PRKAG2: variants seen among roughly 807,000 people sequenced by gnomAD.
The protein encoded by PRKAG2 is 5'-AMP-activated protein kinase subunit gamma-2.
Under a neutral mutation model 69.6 loss-of-function variants are expected in PRKAG2, and 26 were observed. That is an observed-to-expected ratio of 0.37 (90% CI 0.27 to 0.52). The LOEUF (loss-of-function observed/expected upper bound fraction) is 0.52, where lower values mean the gene tolerates loss of function less well. Among genes scored for constraint, PRKAG2 ranks in the 20% least tolerant of loss-of-function variants. The pLI, the probability that PRKAG2 is intolerant of heterozygous loss-of-function variation, is 0.90. For missense variants in PRKAG2, 557 were observed against 740.0 expected (o/e 0.75, Z 2.87); for synonymous variants, 293 against 285.0 (o/e 1.03, Z -0.28).
Position 151,763,560 on chromosome 7 carries a change from C to T in PRKAG2, c.466+17592G>A, listed in dbSNP as rs563147699. The stretch of plus-strand genomic sequence containing the variant: ...CTGGCTCCTCAGCCACTGCCCCACA[C>T]GCTTTCCTTCCCTTCCTGGCTACTG... On this transcript the variant is annotated intron_variant, in intron 3 of 15. Coordinates refer to ENST00000287878, the MANE Select transcript of PRKAG2 (RefSeq NM_016203.4). Among the ~76,000 whole-genome samples, 42 of 152,382 alleles carry T rather than the reference C, an allele frequency of 2.8e-4. 1 individual carries two copies. Among genetic ancestry groups the T allele is most frequent in the Admixed American group, 2.2e-3 (33 of 15,314 alleles).
intron 1 of PRKAG2, among the ~76,000 whole-genome samples, chr7:151,844,576 C>T (rs559028805): frequency 2.0e-4 from 30 of 152,244 alleles, no homozygotes; most frequent in East Asian, 3.9e-4. Context: ...GAAAGAGATA[C>T]GAAACGTAGA....
rs182116646 is a variant in PRKAG2, at chr7:151,860,020, C to T, written c.114+16487G>A. On this transcript the variant is annotated intron_variant, in intron 1 of 15. Coordinates refer to ENST00000287878, the MANE Select transcript of PRKAG2 (RefSeq NM_016203.4). ...CCTGCAGGTGGGACTGTGGGCTGGG[C>T]TGACGGAGGTGGCCGGGCACCTGGA... Among the ~76,000 whole-genome samples the T allele has an allele frequency of 3.4e-3, 525 of 152,290 alleles. 8 individuals carry two copies. The highest frequency in any genetic ancestry group is 0.012 in the African/African-American group (503 of 41,562).
At chr7:151,572,831 G>A (rs1362868862) in intron 8 of PRKAG2, 122 bp from the exon 9 acceptor site, 9 of 625,546 alleles carry the variant, frequency 1.4e-5, no homozygotes, top group East Asian at 3.1e-5. Context: ...AAAATGAGGC[G>A]GCCAGGTGCG....
At chr7:151,762,879 G>T (rs1003260871) in intron 3 of PRKAG2, among the ~76,000 whole-genome samples, 2 of 152,162 alleles carry the variant, frequency 1.3e-5, no homozygotes, top group Non-Finnish European at 2.9e-5. Flanking sequence ...TGGCTGGCTG[G>T]GATAAGGGCA....
At chr7:151,712,297 G>C (rs1214634541) in intron 3 of PRKAG2, among the ~76,000 whole-genome samples, 1 of 152,156 alleles carries the variant, frequency 6.6e-6, no homozygotes, top group Non-Finnish European at 1.5e-5. Flanking sequence ...CAGCAGGAAG[G>C]GGCCTGGCAC....
intron 3 of PRKAG2, among the ~76,000 whole-genome samples, chr7:151,686,374 T>C (rs1250729877): frequency 6.6e-6 from 1 of 152,194 alleles, no homozygotes; most frequent in Non-Finnish European, 1.5e-5. Flanking sequence ...AGTGCCTCCA[T>C]CCTGTCTCAC....
intron 6 of PRKAG2, among the ~76,000 whole-genome samples, chr7:151,580,919 A>G (rs1436238825): frequency 6.6e-6 from 1 of 152,206 alleles, no homozygotes; most frequent in Non-Finnish European, 1.5e-5. Context: ...GTCAACAATA[A>G]TTTATTGTAC....
chr7:151,743,611 C>G (rs1348697755), intron 3 of PRKAG2, among the ~76,000 whole-genome samples: 2 of 152,178 alleles, frequency 1.3e-5, no homozygotes, highest in Non-Finnish European at 2.9e-5. Context: ...TAATTTTCTC[C>G]CCAGCTAGAC....
chr7:151,575,030 T>A, intron 7 of PRKAG2, 81 bp from the exon 8 acceptor site: 1 of 1,571,950 alleles, frequency 6.4e-7, no homozygotes, highest in Non-Finnish European at 8.6e-7. Context: ...GCCTAGAATA[T>A]ATGCTAGAAG....
chr7:151,845,262 G>A (rs949216670), intron 1 of PRKAG2, among the ~76,000 whole-genome samples: 71 of 152,046 alleles, frequency 4.7e-4, no homozygotes, highest in African/African-American at 1.6e-3. Flanking sequence ...AGGTGAAGAC[G>A]TTGTTAGTGG....
intron 8 of PRKAG2, 91 bp downstream of exon 8, chr7:151,574,800 C>T: frequency 3.2e-6 from 5 of 1,562,484 alleles, no homozygotes; most frequent in South Asian, 1.2e-5. Flanking sequence ...AAACTGAAAA[C>T]ATTAAAAATC....
At chr7:151,766,518 C>A (rs1303964539) in intron 3 of PRKAG2, among the ~76,000 whole-genome samples, 2 of 152,196 alleles carry the variant, frequency 1.3e-5, no homozygotes, top group Non-Finnish European at 2.9e-5. Context: ...GGATAAGTCC[C>A]AGGAGAGAGT....
chr7:151,804,907 C>T (rs1170224469), intron 1 of PRKAG2, among the ~76,000 whole-genome samples: 5 of 152,102 alleles, frequency 3.3e-5, no homozygotes, highest in African/African-American at 4.8e-5. Flanking sequence ...TGTCTATATC[C>T]AATAGGTCAT....
At chr7:151,736,382 GCT>G (rs1799808335) in intron 3 of PRKAG2, 1 of 935,924 alleles carries the variant, frequency 1.1e-6, no homozygotes, top group South Asian at 5.1e-5. Context: ...ACTCTCCAGG[GCT>G]TTTTTTTTTT....
At chr7:151,792,777 G>A (rs942462497) in intron 1 of PRKAG2, among the ~76,000 whole-genome samples, 4 of 152,212 alleles carry the variant, frequency 2.6e-5, no homozygotes, top group Non-Finnish European at 5.9e-5. Flanking sequence ...GCAACACATC[G>A]AGAATGATTT....
intron 3 of PRKAG2, among the ~76,000 whole-genome samples, chr7:151,761,281 G>C (rs908081873): frequency 6.6e-6 from 1 of 152,194 alleles, no homozygotes; most frequent in Admixed American, 6.5e-5. Flanking sequence ...GATTGAGAGA[G>C]GCCTGAATTC....
chr7:151,572,704 C>T lies in PRKAG2; in HGVS notation c.1011G>A (p.Gln337=). The T allele has an allele frequency of 6.3e-7, 1 of 1,584,008 alleles. No individual in the cohort carries two copies. The highest frequency in any genetic ancestry group is 8.6e-7 in the Non-Finnish European group (1 of 1,156,472). The change falls in exon 9 of 16, where the codon CAG becomes CAA. Residue 337 remains glutamine (Q), a synonymous_variant. Coordinates refer to ENST00000287878, the MANE Select transcript of PRKAG2 (RefSeq NM_016203.4). ...TTTTATGTTCCTCTAATTCATAAATCTGTACCTGCAAATAAAAAAATTCTT... is the reference window on the plus strand; with the variant it reads ...TTTTATGTTCCTCTAATTCATAAATTTGTACCTGCAAATAAAAAAATTCTT... The part of the protein sequence containing the change: ...LHRYYKSPMV[Q]IYELEEHKIE...
At chr7:151,600,230 G>C (rs1461229282) in intron 5 of PRKAG2, among the ~76,000 whole-genome samples, 3 of 152,166 alleles carry the variant, frequency 2.0e-5, no homozygotes, top group African/African-American at 7.2e-5. Flanking sequence ...ATCTGCAAGA[G>C]ACATCCTTGA....
chr7:151,730,773 A>G (rs777106503), intron 3 of PRKAG2, among the ~76,000 whole-genome samples: 2 of 152,194 alleles, frequency 1.3e-5, no homozygotes, highest in Non-Finnish European at 2.9e-5. Context: ...TACTCAGCCA[A>G]GGGCAGGAGA....
Sources: gnomAD v4.1 joint callset for allele counts (sites outside exome capture counted in the v4.1 genomes callset) on GRCh38, gnomAD v4.1.1 for gene constraint, MANE v1.5 for transcripts, NCBI Gene and HGNC (gene_info 2026-07-23, HGNC 2026-07-21) for gene names.